The following ARHGAP45 variants were observed in gnomAD, a reference collection of about 807,000 sequenced individuals.
ARHGAP45 encodes Rho GTPase activating protein 45, also known as rho GTPase-activating protein 45.
A neutral mutation model predicts 116.1 loss-of-function variants in ARHGAP45; 56 were observed. The observed-to-expected ratio is 0.48, with a 90% CI of 0.39 to 0.60. ARHGAP45 has a LOEUF of 0.60. Among genes scored for constraint, ARHGAP45 ranks in the 20% least tolerant of loss-of-function variants. The pLI, the probability that ARHGAP45 is intolerant of heterozygous loss-of-function variation, is 0.00. For missense variants in ARHGAP45, 1,622 were observed against 1,601.0 expected (o/e 1.01, Z -0.22); for synonymous variants, 866 against 701.7 (o/e 1.23, Z -3.70).
chr19:1,080,449 C>T lies in ARHGAP45; in HGVS notation c.1829-15C>T, dbSNP rs1335068484. 2.5e-6 allele frequency: 4 copies of T among 1,612,304 alleles called. No homozygotes were observed. The highest frequency in any genetic ancestry group is 2.2e-5 in the East Asian group (1 of 44,882). On this transcript the variant is annotated splice_polypyrimidine_tract_variant and intron_variant, in intron 14 of 22. Transcript: ENST00000313093. The stretch of plus-strand genomic sequence containing the variant: ...ACCCACCCTGGCCCTTCACCAGAGA[C>T]GCCTCTTTCTCCAGCCGGGCGAGGA...
rs544485732 is a variant in ARHGAP45, at chr19:1,069,460, C to T, written c.421+716C>T. Among the ~76,000 whole-genome samples the T allele has an allele frequency of 2.2e-4, 33 of 152,374 alleles. No homozygotes were observed. Among genetic ancestry groups the T allele is most frequent in the African/African-American group, 7.0e-4 (29 of 41,590 alleles). On this transcript the variant is annotated intron_variant, in intron 2 of 22. Transcript: ENST00000313093. This position sits in a 1 kb window ranked among gnomAD's most constrained non-coding sequence, Gnocchi z 4.1. ...ACCACAGTGCCAGGGTCATGCCAGG[C>T]GCTCTGATCTGCTCCCAGCAGCCGC...
chr19:1,084,456 CATT>C, intron 22 of ARHGAP45, 110 bp downstream of exon 22: 1 of 740,154 alleles, frequency 1.4e-6, no homozygotes, highest in East Asian at 2.7e-5. Context: ...CGGTGCTGCA[CATT>C]CTGTGGATTT....
In ARHGAP45 at chr19:1,069,635, T is replaced by C. The variant is rs1194450549; in HGVS notation, c.421+891T>C. Among the ~76,000 whole-genome samples, 1 of 152,194 alleles carries C rather than the reference T, an allele frequency of 6.6e-6. No homozygotes were observed. The highest frequency in any genetic ancestry group is 1.5e-5 in the Non-Finnish European group (1 of 67,968). ...TAGTTGGGGAAGGCCCGGTCCCCAC[T>C]GGGAGGAGTGGGAGCCCCCGGGTTA... is the stretch of plus-strand genomic sequence containing the variant. On this transcript the variant is annotated intron_variant, in intron 2 of 22. Transcript: ENST00000313093. This position sits in a 1 kb window ranked among gnomAD's most constrained non-coding sequence, Gnocchi z 4.1.
Position 1,084,364 on chromosome 19 carries a change from C to T in ARHGAP45, c.3064+18C>T, listed in dbSNP as rs751868778. ...GTGCAGAGGTGAGTGTGTGGCTGCC[C>T]GAACGGCCCCAAGGGAGGCTGGCGT... On this transcript the variant is annotated intron_variant, in intron 22 of 22. Coordinates refer to ENST00000313093, the MANE Select transcript of ARHGAP45 (RefSeq NM_012292.5). 1.6e-5 allele frequency: 25 copies of T among 1,590,296 alleles called. No individual in the cohort carries two copies. Among genetic ancestry groups the T allele is most frequent in the Middle Eastern group, 2.1e-4 (1 of 4,694 alleles).
chr19:1,069,449 G>T lies in ARHGAP45; in HGVS notation c.421+705G>T, dbSNP rs1301609560. ...TCCTCCCAGAAACCACAGTGCCAGG[G>T]TCATGCCAGGCGCTCTGATCTGCTC... On this transcript the variant is annotated intron_variant, in intron 2 of 22. Coordinates refer to ENST00000313093, the MANE Select transcript of ARHGAP45 (RefSeq NM_012292.5). This position sits in a 1 kb window ranked among gnomAD's most constrained non-coding sequence, Gnocchi z 4.1. 6.6e-6 allele frequency among the ~76,000 whole-genome samples: 1 copy of T among 152,248 alleles called. No homozygotes were observed. Among genetic ancestry groups the T allele is most frequent in the African/African-American group, 2.4e-5 (1 of 41,472 alleles).
Position 1,080,938 on chromosome 19 carries a change from T to A in ARHGAP45, c.2064T>A (p.Ser688Arg). 6.2e-7 allele frequency: 1 copy of A among 1,609,826 alleles called. No individual in the cohort carries two copies. Residue 688 changes from serine to arginine, a missense_variant, in exon 17 of 23, where the codon AGT (serine) becomes AGA (arginine). Transcript: ENST00000313093. ...MTPELPVAVPSGPFRHEGLSK... is the reference protein window; with the variant it reads ...MTPELPVAVPRGPFRHEGLSK... ...CCGAGCTGCCGGTGGCCGTGCCCAG[T>A]GGACCGTTCCGCCACGAGGGGCTGT...
chr19:1,080,191 G>A (rs1599766307), intron 13 of ARHGAP45, 64 bp from the exon 14 acceptor site: 13 of 1,609,954 alleles, frequency 8.1e-6, no homozygotes, highest in South Asian at 3.3e-5. Context: ...TCTGTCGGGG[G>A]CATGAAGATG....
At position 1,082,946 on chromosome 19, in the gene ARHGAP45, A is replaced by T. The variant is rs1300969525; in HGVS notation, c.2624A>T (p.Gln875Leu). The change falls in exon 20 of 23, where the codon CAG (glutamine) becomes CTG (leucine). Residue 875 changes from glutamine (Q) to leucine (L), a missense_variant. Transcript: ENST00000313093. Reference protein sequence around the residue: ...AEAKAASRGRQDGSESEAVAV... With the variant: ...AEAKAASRGRLDGSESEAVAV... ...GCCAAGGCGGCGTCCCGGGGCCGGCAGGACGGCTCGGAGAGCGAGGCAGTG... is the reference window on the plus strand; with the variant it reads ...GCCAAGGCGGCGTCCCGGGGCCGGCTGGACGGCTCGGAGAGCGAGGCAGTG... 10 of 1,577,666 alleles carry T rather than the reference A, an allele frequency of 6.3e-6. No homozygotes were observed. In the South Asian group the frequency reaches 9.2e-5, roughly 14 times the overall value.
chr19:1,068,366 T>C lies in ARHGAP45; in HGVS notation c.91-48T>C, dbSNP rs2043077532. ...CATTTCTGGGGAAACTGAGGCCGTG[T>C]CCAGGCCGGAAAATCCCTTTAACGA... On this transcript the variant is annotated intron_variant, in intron 1 of 22. Transcript: ENST00000313093. This position sits in a 1 kb window ranked among gnomAD's most constrained non-coding sequence, Gnocchi z 7.5. 6.9e-7 allele frequency: 1 copy of C among 1,441,432 alleles called. No individual in the cohort carries two copies. The highest frequency in any genetic ancestry group is 9.2e-7 in the Non-Finnish European group (1 of 1,082,194). 89.3% of individuals were successfully genotyped at this position (1,441,432 alleles called of 1,614,324 possible). A position where few individuals can be genotyped will look rare whatever the true frequency, so the allele number is the denominator to read the frequency against.
At position 1,086,089 on chromosome 19, in the gene ARHGAP45, C is replaced by G. The variant is rs747761403; in HGVS notation, c.*83C>G. ...GCACGTCCCCTGCACCACGGCATAG[C>G]TTAGGTGCGCCGTCCTGGGGTCGCT... On this transcript the variant is annotated 3_prime_UTR_variant, in exon 23 of 23. Transcript: ENST00000313093. The G allele has an allele frequency of 1.1e-5, 14 of 1,271,854 alleles. No homozygotes were observed. Among genetic ancestry groups the G allele is most frequent in the Admixed American group, 2.0e-5 (1 of 48,954 alleles). The allele number at this position is 1,271,854 out of a possible 1,614,324, so 78.8% of individuals were successfully genotyped here. A position where few individuals can be genotyped will look rare whatever the true frequency, so the allele number is the denominator to read the frequency against.
intron 10 of ARHGAP45, 179 bp from the exon 11 acceptor site, chr19:1,077,678 G>T: frequency 6.8e-7 from 1 of 1,463,864 alleles, no homozygotes; most frequent in Non-Finnish European, 9.1e-7. Context: ...GAGCCACCGC[G>T]CCCGGCCACT....
chr19:1,080,336 A>T lies in ARHGAP45; in HGVS notation c.1785A>T (p.Glu595Asp). ...ARPEAAGSPP[E>D]EGGCTEGTPA... ...CGGAGGCTGCCGGGAGCCCCCCAGA[A>T]GAAGGCGGGTGCACTGAGGGCACAC... The change falls in exon 14 of 23, where the codon GAA becomes GAT. Residue 595 changes from glutamate (E) to aspartate (D), a missense_variant. By Grantham distance (45) the Glu-to-Asp change is conservative. Around this residue, in one of 3 missense-constraint regions of ARHGAP45, gnomAD observed 1,334 missense variants for 1,263.8 expected, o/e 1.06. Transcript: ENST00000313093. 6.2e-7 allele frequency: 1 copy of T among 1,609,772 alleles called. No individual in the cohort carries two copies. Among genetic ancestry groups the T allele is most frequent in the Non-Finnish European group, 8.5e-7 (1 of 1,179,276 alleles).
chr19:1,075,044 G>A (rs918144518), intron 10 of ARHGAP45, among the ~76,000 whole-genome samples, 165 bp downstream of exon 10: 2 of 141,688 alleles, frequency 1.4e-5, no homozygotes, highest in Admixed American at 6.8e-5. Context: ...CCAACGCCAA[G>A]CCGGGTCGGA....
chr19:1,084,360 T>A lies in ARHGAP45; in HGVS notation c.3064+14T>A. On this transcript the variant is annotated intron_variant, in intron 22 of 22. Coordinates refer to ENST00000313093, the MANE Select transcript of ARHGAP45 (RefSeq NM_012292.5). ...ACGGGTGCAGAGGTGAGTGTGTGGCTGCCCGAACGGCCCCAAGGGAGGCTG... is the reference window on the plus strand; with the variant it reads ...ACGGGTGCAGAGGTGAGTGTGTGGCAGCCCGAACGGCCCCAAGGGAGGCTG... 1 of 1,595,104 alleles carries A rather than the reference T, an allele frequency of 6.3e-7. No homozygotes were observed. Among genetic ancestry groups the A allele is most frequent in the Non-Finnish European group, 8.5e-7 (1 of 1,170,628 alleles).
Position 1,068,502 on chromosome 19 carries a change from G to T in ARHGAP45, c.179G>T (p.Gly60Val). The T allele has an allele frequency of 6.3e-7, 1 of 1,597,744 alleles. No homozygotes were observed. Among genetic ancestry groups the T allele is most frequent in the South Asian group, 1.1e-5 (1 of 89,318 alleles). The change falls in exon 2 of 23, where the codon GGG (glycine) becomes GTG (valine). Residue 60 changes from glycine to valine, a missense_variant. Physicochemically the swap from Gly to Val is moderately radical, Grantham distance 109 (BLOSUM62 -3). Transcript: ENST00000313093. This position sits in a 1 kb window ranked among gnomAD's most constrained non-coding sequence, Gnocchi z 7.5. Reference sequence around the variant, plus strand: ...GGGTCCTCCGGCGTCAAGGCCACAGGGACCCTCAAGCGGCCCACCAGCCTG... The same window carrying T: ...GGGTCCTCCGGCGTCAAGGCCACAGTGACCCTCAAGCGGCCCACCAGCCTG... ...PAGSSGVKAT[G>V]TLKRPTSLSR...
At chr19:1,070,062 C>T (rs2043110844) in intron 2 of ARHGAP45, among the ~76,000 whole-genome samples, 1 of 151,922 alleles carries the variant, frequency 6.6e-6, no homozygotes, top group Non-Finnish European at 1.5e-5. Flanking sequence ...GTGGCGCGAT[C>T]TCGGCTCATT....
rs1747415943 is a variant in ARHGAP45, at chr19:1,071,149, G to T, written c.422-2000G>T. On this transcript the variant is annotated intron_variant, in intron 2 of 22. Coordinates refer to ENST00000313093, the MANE Select transcript of ARHGAP45 (RefSeq NM_012292.5). The surrounding 1 kb of genome is among the most constrained non-coding windows in gnomAD (Gnocchi z 4.6). ...GTTAAGGAAGGACCCAGGCTGGGGC[G>T]AACGGGACCCCAGGGCGGGGTTTCC... 7.7e-7 allele frequency: 1 copy of T among 1,291,736 alleles called. No homozygotes were observed. Among genetic ancestry groups the T allele is most frequent in the African/African-American group, 1.6e-5 (1 of 62,024 alleles). The allele number at this position is 1,291,736 out of a possible 1,614,324, so 80.0% of individuals were successfully genotyped here. A position where few individuals can be genotyped will look rare whatever the true frequency, so the allele number is the denominator to read the frequency against.
rs2043052876 is a variant in ARHGAP45, at chr19:1,067,249, G to GT, written c.-157_-156insT. 24 of 1,386,288 alleles carry GT rather than the reference G, an allele frequency of 1.7e-5. No homozygotes were observed. The highest frequency in any genetic ancestry group is 2.2e-5 in the Non-Finnish European group (24 of 1,073,262). The allele number at this position is 1,386,288 out of a possible 1,614,324, so 85.9% of individuals were successfully genotyped here. On this transcript the variant is annotated 5_prime_UTR_variant, in exon 1 of 23. Transcript: ENST00000313093. The stretch of plus-strand genomic sequence containing the variant: ...CCTCCCCGAAGCCTTTTCCTGTTGG[G>GT]GGGAGGGCCCGCCAGTGACGGCCGG...
chr19:1,081,230 G>A (rs1478917378), intron 17 of ARHGAP45, among the ~76,000 whole-genome samples, 166 bp downstream of exon 17: 4 of 152,192 alleles, frequency 2.6e-5, no homozygotes, highest in African/African-American at 9.7e-5. Context: ...TTTTAGTTCT[G>A]GGGAGCAGGG....
Sources: allele counts gnomAD v4.1 joint callset (sites outside exome capture counted in the v4.1 genomes callset), GRCh38; gene constraint gnomAD v4.1.1; regional missense constraint gnomAD v4.1.1; non-coding constraint Gnocchi (gnomAD v3.1); transcripts MANE v1.5; gene names NCBI Gene and HGNC (gene_info 2026-07-23, HGNC 2026-07-21).